Variants in CTNNA2 observed in about 807,000 individuals in gnomAD.
CTNNA2 encodes the protein catenin alpha-2.
CTNNA2 carries 42 observed loss-of-function variants against 101.0 expected under a neutral mutation model. The ratio of observed to expected loss-of-function variants is 0.42; its 90% CI spans 0.32 to 0.54. The LOEUF (loss-of-function observed/expected upper bound fraction) is 0.54. Ranked by LOEUF, CTNNA2 falls within the 20% of genes least tolerant of loss-of-function variation. The pLI, the probability that CTNNA2 is intolerant of heterozygous loss-of-function variation, is 0.14. For synonymous variants in CTNNA2, 450 were observed against 456.4 expected (o/e 0.99, Z 0.18); for missense variants, 871 against 1,223.1 (o/e 0.71, Z 4.29).
intron 7 of CTNNA2, among the ~76,000 whole-genome samples, chr2:80,324,797 T>G (rs1017656279): frequency 6.6e-6 from 1 of 152,110 alleles, no homozygotes; most frequent in South Asian, 2.1e-4. Context: ...TCCTTTGATC[T>G]CCCCCATGCG....
chr2:80,319,741 A>T (rs142578647), intron 7 of CTNNA2, among the ~76,000 whole-genome samples: 347 of 152,260 alleles, frequency 2.3e-3, no homozygotes, highest in African/African-American at 7.9e-3. Flanking sequence ...TTGAGTCATA[A>T]AGTAAACTAG....
intron 3 of CTNNA2, among the ~76,000 whole-genome samples, chr2:79,811,846 C>T (rs925515611): frequency 4.6e-5 from 7 of 152,106 alleles, no homozygotes; most frequent in African/African-American, 1.7e-4. Flanking sequence ...TATTAAAACT[C>T]CCAGTCCATG....
chr2:80,647,903 T>G lies in CTNNA2; in HGVS notation c.*31T>G, dbSNP rs1395375337. On this transcript the variant is annotated 3_prime_UTR_variant, in exon 19 of 19. Coordinates refer to ENST00000402739, the MANE Select transcript of CTNNA2 (RefSeq NM_001282597.3). ...TAGGTTTTAACAAGAAAGCTTTTTC[T>G]TTCTTTTCTTTCTTTCTTTTTCTTT... is the stretch of plus-strand genomic sequence containing the variant. The G allele has an allele frequency of 6.6e-7, 1 of 1,526,342 alleles. No homozygotes were observed. Among genetic ancestry groups the G allele is most frequent in the East Asian group, 2.3e-5 (1 of 43,976 alleles). 94.5% of individuals were successfully genotyped at this position (1,526,342 alleles called of 1,614,324 possible). A position where few individuals can be genotyped will look rare whatever the true frequency, so the allele number is the denominator to read the frequency against.
intron 4 of CTNNA2, among the ~76,000 whole-genome samples, chr2:79,456,647 A>G (rs1056591169): frequency 2.0e-5 from 3 of 152,174 alleles, no homozygotes; most frequent in Non-Finnish European, 2.9e-5. Flanking sequence ...TGGACCCACT[A>G]TTATCCCAAA....
intron 12 of CTNNA2, among the ~76,000 whole-genome samples, chr2:80,560,099 C>T (rs1693446618): frequency 6.7e-6 from 1 of 149,650 alleles, no homozygotes; most frequent in Admixed American, 6.7e-5. Flanking sequence ...AAAAAGGGTT[C>T]TATGTTATGG....
At chr2:80,199,146 A>G (rs894111045) in intron 7 of CTNNA2, among the ~76,000 whole-genome samples, 2 of 130,256 alleles carry the variant, frequency 1.5e-5, no homozygotes. Flanking sequence ...GTGCCATTGC[A>G]CTCCAGCCTG....
intron 2 of CTNNA2, among the ~76,000 whole-genome samples, chr2:79,216,729 C>T (rs1296126863): frequency 2.4e-4 from 32 of 131,524 alleles, no homozygotes; most frequent in South Asian, 4.9e-4. Flanking sequence ...CCTAGAAAAG[C>T]GGTACTTGCA....
At chr2:80,619,582 G>C (rs1670894268) in intron 18 of CTNNA2, among the ~76,000 whole-genome samples, 1 of 151,838 alleles carries the variant, frequency 6.6e-6, no homozygotes, top group African/African-American at 2.4e-5. Context: ...ATTCTTCTTT[G>C]TTTGGAAGAT....
intron 1 of CTNNA2, among the ~76,000 whole-genome samples, chr2:79,639,839 C>G (rs568660019): frequency 6.6e-5 from 10 of 152,192 alleles, no homozygotes; most frequent in Admixed American, 2.0e-4. Context: ...CTGAAGAACA[C>G]TTATTTTTCC....
intron 7 of CTNNA2, among the ~76,000 whole-genome samples, chr2:79,914,486 T>A (rs1313506541): frequency 2.0e-5 from 3 of 152,210 alleles, no homozygotes; most frequent in Non-Finnish European, 4.4e-5. Context: ...AGGCCTATGA[T>A]GAGAATATGC....
intron 4 of CTNNA2, among the ~76,000 whole-genome samples, chr2:79,420,036 G>A (rs576815233): frequency 2.0e-4 from 31 of 152,044 alleles, no homozygotes; most frequent in Non-Finnish European, 4.1e-4. Context: ...TTATGAAATG[G>A]CCCTCACTTT....
At chr2:80,387,295 A>G (rs1017027504) in intron 7 of CTNNA2, among the ~76,000 whole-genome samples, 4 of 152,164 alleles carry the variant, frequency 2.6e-5, no homozygotes, top group Admixed American at 2.6e-4. Flanking sequence ...TCTCAAAAAA[A>G]AAAGAAATAC....
chr2:80,538,285 G>A (rs915595389), intron 9 of CTNNA2, among the ~76,000 whole-genome samples: 2 of 151,936 alleles, frequency 1.3e-5, no homozygotes, highest in Non-Finnish European at 2.9e-5. Context: ...TTTTTTAGTC[G>A]TGAAGCCTTT....
chr2:80,302,169 A>G lies in CTNNA2; in HGVS notation c.1057-91042A>G, dbSNP rs1362665485. 3 of 1,523,478 alleles carry G rather than the reference A, an allele frequency of 2.0e-6. No individual in the cohort carries two copies. Among genetic ancestry groups the G allele is most frequent in the Non-Finnish European group, 1.8e-6 (2 of 1,132,368 alleles). 94.4% of individuals were successfully genotyped at this position (1,523,478 alleles called of 1,614,324 possible). ...GGAGCATATCAGAGCACAGACAAGG[A>G]GACCCCAGCCTGGTGCCCGCCGGCC... On this transcript the variant is annotated intron_variant, in intron 7 of 18. Coordinates refer to ENST00000402739, the MANE Select transcript of CTNNA2 (RefSeq NM_001282597.3). The surrounding 1 kb of genome is among the most constrained non-coding windows in gnomAD (Gnocchi z 6.4).
Position 80,302,523 on chromosome 2 carries a change from T to C in CTNNA2, c.1057-90688T>C, listed in dbSNP as rs1676425502. On this transcript the variant is annotated intron_variant, in intron 7 of 18. Coordinates refer to ENST00000402739, the MANE Select transcript of CTNNA2 (RefSeq NM_001282597.3). This position sits in a 1 kb window ranked among gnomAD's most constrained non-coding sequence, Gnocchi z 6.4. ...ATGAGGAAGGAGAAGATGAGGGCCATGGTGCCCGTGACCACCTTGTGGATC... is the reference window on the plus strand; with the variant it reads ...ATGAGGAAGGAGAAGATGAGGGCCACGGTGCCCGTGACCACCTTGTGGATC... 1 of 1,612,384 alleles carries C rather than the reference T, an allele frequency of 6.2e-7. No homozygotes were observed. The highest frequency in any genetic ancestry group is 1.3e-5 in the African/African-American group (1 of 75,062).
At chr2:80,401,188 T>G (rs1678514144) in intron 8 of CTNNA2, among the ~76,000 whole-genome samples, 1 of 152,150 alleles carries the variant, frequency 6.6e-6, no homozygotes. Flanking sequence ...CTTTCTAGTC[T>G]TTGTTTCTTC....
At chr2:80,470,154 C>T (rs906324259) in intron 9 of CTNNA2, among the ~76,000 whole-genome samples, 8 of 152,170 alleles carry the variant, frequency 5.3e-5, no homozygotes, top group African/African-American at 1.9e-4. Context: ...AAATCCCTGA[C>T]AAATAGTCTA....
chr2:79,362,840 C>T (rs1201871175), intron 3 of CTNNA2, among the ~76,000 whole-genome samples: 1 of 152,120 alleles, frequency 6.6e-6, no homozygotes, highest in South Asian at 2.1e-4. Context: ...TGGGCAATAA[C>T]TTAGTTTGGA....
intron 7 of CTNNA2, among the ~76,000 whole-genome samples, chr2:80,097,317 A>T (rs1700218240): frequency 6.6e-6 from 1 of 152,150 alleles, no homozygotes; most frequent in Non-Finnish European, 1.5e-5. Flanking sequence ...TTTCTTTAAG[A>T]ATGTTGAATG....
Sources: gnomAD v4.1 joint callset for allele counts (sites outside exome capture counted in the v4.1 genomes callset) on GRCh38, gnomAD v4.1.1 for gene constraint, Gnocchi (gnomAD v3.1) non-coding constraint, MANE v1.5 for transcripts, NCBI Gene and HGNC (gene_info 2026-07-23, HGNC 2026-07-21) for gene names.